FNDC3B: variants seen among roughly 807,000 people sequenced by gnomAD.
FNDC3B encodes fibronectin type III domain containing 3B.
FNDC3B carries 12 observed loss-of-function variants against 151.5 expected under a neutral mutation model. The observed-to-expected ratio is 0.08, with a 90% CI of 0.05 to 0.13. FNDC3B has a LOEUF of 0.13. FNDC3B is among the 10% of genes least tolerant of loss of function. The pLI, the probability that FNDC3B is intolerant of heterozygous loss-of-function variation, is 1.00. For synonymous variants in FNDC3B, 528 were observed against 549.0 expected (o/e 0.96, Z 0.54); for missense variants, 1,214 against 1,505.3 (o/e 0.81, Z 3.20).
intron 2 of FNDC3B, among the ~76,000 whole-genome samples, chr3:172,125,062 G>A (rs1720745359): frequency 6.6e-6 from 1 of 152,208 alleles, no homozygotes; most frequent in Admixed American, 6.5e-5. Flanking sequence ...GCCTGGCTTG[G>A]ACTCACCTCT....
intron 4 of FNDC3B, among the ~76,000 whole-genome samples, chr3:172,234,186 C>G (rs1337772283): frequency 6.6e-6 from 1 of 152,124 alleles, no homozygotes; most frequent in Non-Finnish European, 1.5e-5. Flanking sequence ...AAACGAGGGC[C>G]CAAGCGAGGC....
chr3:172,396,090 A>G (rs1417997815), intron 25 of FNDC3B, among the ~76,000 whole-genome samples: 1 of 152,238 alleles, frequency 6.6e-6, no homozygotes, highest in Non-Finnish European at 1.5e-5. Flanking sequence ...AAACATTCAT[A>G]ACATTCTTAT....
At chr3:172,340,158 C>T (rs1052417328) in intron 16 of FNDC3B, among the ~76,000 whole-genome samples, 10 of 152,188 alleles carry the variant, frequency 6.6e-5, no homozygotes, top group African/African-American at 1.9e-4. Flanking sequence ...TTGCTTCTGA[C>T]GGCATCAGCC....
chr3:172,188,486 A>G (rs1164045220), intron 3 of FNDC3B, among the ~76,000 whole-genome samples: 3 of 151,090 alleles, frequency 2.0e-5, no homozygotes, highest in African/African-American at 7.3e-5. Context: ...GCTCACTGCA[A>G]CCTCTGACTT....
At chr3:172,206,134 TC>T (rs1453950905) in intron 3 of FNDC3B, among the ~76,000 whole-genome samples, 1 of 152,318 alleles carries the variant, frequency 6.6e-6, no homozygotes, top group Admixed American at 6.5e-5. Context: ...AAGTAGCTTT[TC>T]TCAAGAGACT....
intron 6 of FNDC3B, among the ~76,000 whole-genome samples, chr3:172,257,295 A>G (rs1419383365): frequency 6.6e-6 from 1 of 152,152 alleles, no homozygotes; most frequent in African/African-American, 2.4e-5. Flanking sequence ...TTACCCTAAG[A>G]GTGAGGATGT....
At chr3:172,181,612 C>T (rs1241162816) in intron 3 of FNDC3B, among the ~76,000 whole-genome samples, 2 of 151,562 alleles carry the variant, frequency 1.3e-5, no homozygotes, top group South Asian at 2.1e-4. Context: ...GGGCATATCA[C>T]GAGGTCACAA....
At chr3:172,086,557 T>G (rs201124937) in intron 1 of FNDC3B, among the ~76,000 whole-genome samples, 1 of 152,294 alleles carries the variant, frequency 6.6e-6, no homozygotes, top group East Asian at 1.9e-4. Context: ...ATGTGACTCT[T>G]TATGTAAAAA....
intron 22 of FNDC3B, among the ~76,000 whole-genome samples, chr3:172,355,564 T>A (rs761902705): frequency 6.6e-6 from 1 of 152,166 alleles, no homozygotes; most frequent in Non-Finnish European, 1.5e-5. Context: ...TCAGGAGATT[T>A]TGATGCTTAT....
intron 3 of FNDC3B, among the ~76,000 whole-genome samples, chr3:172,204,434 A>G (rs1228210553): frequency 1.3e-5 from 2 of 152,236 alleles, no homozygotes; most frequent in Non-Finnish European, 2.9e-5. Flanking sequence ...TGAGCAAAAT[A>G]GAACTCTGAG....
chr3:172,169,647 C>T (rs1050073347), intron 3 of FNDC3B, among the ~76,000 whole-genome samples: 13 of 152,178 alleles, frequency 8.5e-5, no homozygotes, highest in African/African-American at 3.1e-4. Context: ...TTATGATACC[C>T]ACACTTTTCA....
intron 1 of FNDC3B, among the ~76,000 whole-genome samples, chr3:172,079,609 G>A (rs145507026): frequency 2.2e-4 from 33 of 152,290 alleles, no homozygotes; most frequent in African/African-American, 7.5e-4. Context: ...GATAATTCCC[G>A]TATAGCCATA....
At chr3:172,379,604 C>T (rs1735333551) in intron 24 of FNDC3B, among the ~76,000 whole-genome samples, 1 of 152,076 alleles carries the variant, frequency 6.6e-6, no homozygotes, top group Non-Finnish European at 1.5e-5. Context: ...AATGTGCATA[C>T]ACATGCACGG....
intron 3 of FNDC3B, among the ~76,000 whole-genome samples, chr3:172,142,967 G>T (rs1241163261): frequency 6.6e-6 from 1 of 152,062 alleles, no homozygotes; most frequent in East Asian, 1.9e-4. Flanking sequence ...GTCTTCTTGG[G>T]CCTCCTTTAT....
intron 3 of FNDC3B, chr3:172,134,329 C>G: frequency 1.9e-6 from 1 of 516,164 alleles, no homozygotes; most frequent in Non-Finnish European, 3.9e-6. Context: ...GAAGATCAAC[C>G]TAGATCTGAT....
At chr3:172,371,887 G>A (rs548546648) in intron 23 of FNDC3B, among the ~76,000 whole-genome samples, 1 of 152,178 alleles carries the variant, frequency 6.6e-6, no homozygotes, top group Non-Finnish European at 1.5e-5. Context: ...AGACTCATGA[G>A]CATTGGTGCT....
intron 11 of FNDC3B, among the ~76,000 whole-genome samples, chr3:172,322,259 T>G (rs1468842498): frequency 6.6e-6 from 1 of 152,216 alleles, no homozygotes; most frequent in African/African-American, 2.4e-5. Context: ...CAGTGCTCAC[T>G]TTGGACTGGA....
At chr3:172,281,751 G>A (rs191089768) in intron 6 of FNDC3B, among the ~76,000 whole-genome samples, 3 of 152,140 alleles carry the variant, frequency 2.0e-5, no homozygotes, top group Non-Finnish European at 1.5e-5. Flanking sequence ...AAGAGGGGAA[G>A]AAACAAAAAC....
chr3:172,210,853 G>A (rs1484618721), intron 3 of FNDC3B, among the ~76,000 whole-genome samples: 4 of 152,104 alleles, frequency 2.6e-5, no homozygotes, highest in Non-Finnish European at 5.9e-5. Flanking sequence ...CTTTTTGGAT[G>A]TGTTACTTGG....
Sources: gnomAD v4.1 joint callset for allele counts (sites outside exome capture counted in the v4.1 genomes callset) on GRCh38, gnomAD v4.1.1 for gene constraint, MANE v1.5 for transcripts, NCBI Gene and HGNC (gene_info 2026-07-23, HGNC 2026-07-21) for gene names.